Variants in WDR3 observed in about 807,000 individuals in gnomAD.
WDR3 encodes the protein WD repeat domain 3.
Under a neutral mutation model 123.7 loss-of-function variants are expected in WDR3, and 81 were observed. That is an observed-to-expected ratio of 0.65 (90% CI 0.55 to 0.79). The LOEUF (loss-of-function observed/expected upper bound fraction) is 0.79, where lower values mean the gene tolerates loss of function less well. Ranked by LOEUF, WDR3 falls within the 30% of genes least tolerant of loss-of-function variation. The pLI is 0.00. For missense variants in WDR3, 1,027 were observed against 1,123.2 expected, an observed-to-expected ratio of 0.91 and a Z score of 1.22; for synonymous variants, 390 against 388.8, an observed-to-expected ratio of 1.00 and a Z score of -0.04.
rs189639036 is a variant in WDR3 at position 117,938,008 on chromosome 1, G to C, written c.501-472G>C. ...AATGAGAAGCTGTTAAAATAATCCA[G>C]GTAGTAGGACTTAAGTTCAGGTTAG... On this transcript the variant is annotated intron_variant, in intron 4 of 26. Transcript: ENST00000349139. Among the ~76,000 whole-genome samples the C allele has an allele frequency of 5.3e-5, 8 of 152,296 alleles. No homozygotes were observed. In the East Asian group the frequency reaches 1.4e-3, roughly 26 times the overall value.
chr1:117,936,976 C>T, intron 4 of WDR3, 89 bp downstream of exon 4: 3 of 1,101,096 alleles, frequency 2.7e-6, no homozygotes, highest in Non-Finnish European at 4.0e-6. Context: ...GAGCAGTGTG[C>T]TCATGCTTAT....
rs144055675 is a variant in WDR3 at position 117,951,548 on chromosome 1, C to T, written c.1804-428C>T. 1.2e-3 allele frequency among the ~76,000 whole-genome samples: 178 copies of T among 149,054 alleles called. 2 individuals are homozygous for T. The highest frequency in any genetic ancestry group is 2.1e-3 in the South Asian group (10 of 4,732). The stretch of plus-strand genomic sequence containing the variant: ...TTTATGTTGACAACCATTTGGACCA[C>T]GCATTGAAATAGGAGAGATAAGAGA... On this transcript the variant is annotated intron_variant, in intron 16 of 26. Coordinates refer to ENST00000349139, the MANE Select transcript of WDR3 (RefSeq NM_006784.3).
intron 23 of WDR3, 106 bp downstream of exon 23, chr1:117,954,733 C>A: frequency 1.7e-6 from 2 of 1,164,292 alleles, no homozygotes; most frequent in South Asian, 1.5e-5. Context: ...ATTGGGAATA[C>A]TTTGTCTTCA....
chr1:117,952,231 T>G lies in WDR3; in HGVS notation c.1905-66T>G. The G allele has an allele frequency of 2.0e-6, 3 of 1,484,336 alleles. No individual in the cohort carries two copies. In the South Asian group the frequency reaches 3.6e-5, roughly 18 times the overall value. 91.9% of individuals were successfully genotyped at this position (1,484,336 alleles called of 1,614,324 possible). On this transcript the variant is annotated intron_variant, in intron 17 of 26. Coordinates refer to ENST00000349139, the MANE Select transcript of WDR3 (RefSeq NM_006784.3). ...GAACTAGCTAGTCAAAAGCTATTTA[T>G]GTGTGTAAAACTCTTTTTACTAACC... is the stretch of plus-strand genomic sequence containing the variant.
At chr1:117,937,082 A>G (rs1389387850) in intron 4 of WDR3, among the ~76,000 whole-genome samples, 195 bp downstream of exon 4, 1 of 151,920 alleles carries the variant, frequency 6.6e-6, no homozygotes, top group Non-Finnish European at 1.5e-5. Flanking sequence ...TTTTAAAATC[A>G]TTTTTCTAAT....
At chr1:117,933,259 A>C in intron 1 of WDR3, 29 bp from the exon 2 acceptor site, 1 of 1,583,780 alleles carries the variant, frequency 6.3e-7, no homozygotes, top group Non-Finnish European at 8.6e-7. Context: ...GCACCCAAGG[A>C]GCTGAGTTTT....
chr1:117,947,250 T>A (rs907561008), intron 12 of WDR3, among the ~76,000 whole-genome samples: 1 of 152,164 alleles, frequency 6.6e-6, no homozygotes. Flanking sequence ...CAGTAGTGAT[T>A]GTACCAGTAG....
At position 117,960,887 on chromosome 1, in the gene WDR3, T is replaced by C. The variant is rs1652988848; in HGVS notation, c.*1440T>C. ...ATGATAAAATAGTCTAGTATCTACA[T>C]ATATTTTGTGCATTCATGATATAAC... On this transcript the variant is annotated 3_prime_UTR_variant, in exon 27 of 27. Coordinates refer to ENST00000349139, the MANE Select transcript of WDR3 (RefSeq NM_006784.3). 1 of 152,260 alleles carries C rather than the reference T, an allele frequency of 6.6e-6. No homozygotes were observed. The highest frequency in any genetic ancestry group is 2.1e-4 in the South Asian group (1 of 4,834). The allele number at this position is 152,260 out of a possible 1,614,324, so 9.4% of individuals were successfully genotyped here.
At chr1:117,956,960 CCA>C in intron 24 of WDR3, 106 bp from the exon 25 acceptor site, 1 of 962,808 alleles carries the variant, frequency 1.0e-6, no homozygotes, top group Non-Finnish European at 1.5e-6. Context: ...CAAGATGTAT[CCA>C]AGTATAAAAT....
chr1:117,944,153 G>A (rs1169385394), intron 11 of WDR3, among the ~76,000 whole-genome samples: 1 of 152,120 alleles, frequency 6.6e-6, no homozygotes, highest in Non-Finnish European at 1.5e-5. Context: ...CTCCCATCAA[G>A]CTTTTGTCCC....
At chr1:117,948,302 T>A in intron 12 of WDR3, 103 bp from the exon 13 acceptor site, 1 of 913,950 alleles carries the variant, frequency 1.1e-6, no homozygotes, top group South Asian at 1.6e-5. Flanking sequence ...ATGGATCACA[T>A]TTTTGCAGCT....
chr1:117,945,500 TTC>T (rs1183696922), intron 11 of WDR3, among the ~76,000 whole-genome samples: 16 of 152,300 alleles, frequency 1.1e-4, no homozygotes, highest in Admixed American at 3.9e-4. Flanking sequence ...CTTCATCCTC[TTC>T]TCCCAGCATT....
Position 117,940,834 on chromosome 1 carries a change from A to G in WDR3, c.683A>G (p.Asp228Gly). 6.2e-7 allele frequency: 1 copy of G among 1,609,008 alleles called. No individual in the cohort carries two copies. Among genetic ancestry groups the G allele is most frequent in the Non-Finnish European group, 8.5e-7 (1 of 1,178,526 alleles). Residue 228 changes from aspartate (D) to glycine (G), a missense_variant, in exon 7 of 27, where the codon GAC becomes GGC. Physicochemically the swap from Asp to Gly is moderately conservative, Grantham distance 94. Coordinates refer to ENST00000349139, the MANE Select transcript of WDR3 (RefSeq NM_006784.3). Reference sequence around the variant, plus strand: ...CTCATTTTTATAAAACAGATTGAAGACCCGGAAGAACCAGACCCCAAGAAA... The same window carrying G: ...CTCATTTTTATAAAACAGATTGAAGGCCCGGAAGAACCAGACCCCAAGAAA... Reference protein sequence around the residue: ...WDIAYLQEIEDPEEPDPKKIK... With the variant: ...WDIAYLQEIEGPEEPDPKKIK...
At chr1:117,930,138 T>C (rs1650652948) in intron 1 of WDR3, among the ~76,000 whole-genome samples, 1 of 152,186 alleles carries the variant, frequency 6.6e-6, no homozygotes, top group African/African-American at 2.4e-5. Flanking sequence ...GGTCCAGGCC[T>C]TCAGTGCATC....
intron 2 of WDR3, chr1:117,933,858 T>C (rs1194945475): frequency 3.7e-6 from 1 of 269,720 alleles, no homozygotes; most frequent in Admixed American, 5.0e-5. Flanking sequence ...AAAGGAAGGT[T>C]AGTCTATTTT....
At chr1:117,931,465 T>C (rs1650732409) in intron 1 of WDR3, among the ~76,000 whole-genome samples, 1 of 152,230 alleles carries the variant, frequency 6.6e-6, no homozygotes, top group Non-Finnish European at 1.5e-5. Context: ...TGTGTCTTAG[T>C]GTCAGAAGAA....
At chr1:117,944,983 G>A (rs1320385607) in intron 11 of WDR3, among the ~76,000 whole-genome samples, 2 of 152,066 alleles carry the variant, frequency 1.3e-5, no homozygotes, top group Non-Finnish European at 2.9e-5. Context: ...ATGAGCCACC[G>A]CACCCAGCCC....
intron 21 of WDR3, 41 bp from the exon 22 acceptor site, chr1:117,953,966 A>T (rs1293228716): frequency 6.6e-7 from 1 of 1,524,076 alleles, no homozygotes; most frequent in Non-Finnish European, 9.0e-7. Context: ...GGGATGATGG[A>T]GTATGTTGTG....
In WDR3 at chr1:117,949,978, GT is replaced by G. The variant is rs746489774; in HGVS notation, c.1611-11del. On this transcript the variant is annotated splice_polypyrimidine_tract_variant and intron_variant, in intron 14 of 26. Transcript: ENST00000349139. ...GTATACTCATTTATTTTTTCTTGAT[GT>G]TTTTTGTGGTGCTAGACTTTCTGTG... The G allele has an allele frequency of 2.0e-5, 33 of 1,613,112 alleles. 1 individual carries two copies. The African/African-American group carries it at 4.3e-4, about 21-fold the overall frequency.
Sources: gnomAD v4.1 joint callset for allele counts (sites outside exome capture counted in the v4.1 genomes callset) on GRCh38, gnomAD v4.1.1 for gene constraint, MANE v1.5 for transcripts, NCBI Gene and HGNC (gene_info 2026-07-23, HGNC 2026-07-21) for gene names.